Variants in GPC5 observed in about 807,000 individuals in gnomAD.
GPC5 encodes the protein glypican 5.
GPC5 carries 47 observed loss-of-function variants against 53.9 expected under a neutral mutation model. That is an observed-to-expected ratio of 0.87 (90% confidence interval 0.69 to 1.11). The LOEUF (loss-of-function observed/expected upper bound fraction) is 1.11. GPC5 is among the 50% of genes most tolerant of loss of function. GPC5 has a pLI of 0.00. For synonymous variants in GPC5, 286 were observed against 263.3 expected, an observed-to-expected ratio of 1.09 and a Z score of -0.84; for missense variants, 748 against 713.1, an observed-to-expected ratio of 1.05 and a Z score of -0.56.
intron 7 of GPC5, among the ~76,000 whole-genome samples, chr13:92,607,818 G>C (rs1289264737): frequency 6.6e-6 from 1 of 152,100 alleles, no homozygotes; most frequent in Non-Finnish European, 1.5e-5. Context: ...CAAGACTTCA[G>C]TTGACCCTTG....
At chr13:92,005,331 A>T (rs183085609) in intron 6 of GPC5, among the ~76,000 whole-genome samples, 6 of 152,234 alleles carry the variant, frequency 3.9e-5, no homozygotes, top group Non-Finnish European at 2.9e-5. Flanking sequence ...ATCTGTTGTG[A>T]CTAGAAGCTG....
In GPC5 at chr13:92,754,928, G is replaced by C. The variant is rs1874789672; in HGVS notation, c.1562-111354G>C. On this transcript the variant is annotated intron_variant, in intron 7 of 7. Transcript: ENST00000377067. ...CAACATTAGACAGATCAACGAGACAGAAAGTCAACAAGGATACCCAGGAAT... is the reference window on the plus strand; with the variant it reads ...CAACATTAGACAGATCAACGAGACACAAAGTCAACAAGGATACCCAGGAAT... Among the ~76,000 whole-genome samples, 9 of 150,800 alleles carry C rather than the reference G, an allele frequency of 6.0e-5. No homozygotes were observed. The South Asian group carries it at 1.9e-3, about 32-fold the overall frequency.
intron 7 of GPC5, among the ~76,000 whole-genome samples, chr13:92,428,180 G>A (rs919370889): frequency 7.9e-5 from 12 of 152,154 alleles, no homozygotes; most frequent in South Asian, 2.1e-4. Context: ...AACCTATGGC[G>A]GACACATGGT....
chr13:92,595,790 T>C (rs908081704), intron 7 of GPC5, among the ~76,000 whole-genome samples: 9 of 122,764 alleles, frequency 7.3e-5, no homozygotes, highest in Non-Finnish European at 1.3e-4. Context: ...AAAAAAAAGA[T>C]AGTATTTACT....
chr13:91,796,394 A>G (rs2038047863), intron 5 of GPC5, among the ~76,000 whole-genome samples: 1 of 152,208 alleles, frequency 6.6e-6, no homozygotes, highest in Non-Finnish European at 1.5e-5. Flanking sequence ...ACAGCGAGCC[A>G]AAGCTCAGCT....
intron 7 of GPC5, among the ~76,000 whole-genome samples, chr13:92,755,125 C>G (rs1437585679): frequency 3.4e-5 from 5 of 147,282 alleles, no homozygotes. Flanking sequence ...TTATAACAAA[C>G]TATCTCTCAG....
intron 7 of GPC5, among the ~76,000 whole-genome samples, chr13:92,516,671 A>G (rs1880796265): frequency 6.6e-6 from 1 of 152,182 alleles, no homozygotes; most frequent in Non-Finnish European, 1.5e-5. Context: ...TCATCTATAT[A>G]TTCATGATTC....
chr13:92,495,675 G>A (rs1016940166), intron 7 of GPC5, among the ~76,000 whole-genome samples: 1 of 148,244 alleles, frequency 6.7e-6, no homozygotes, highest in Admixed American at 6.7e-5. Flanking sequence ...TCTAGGAGAT[G>A]TCTTCATTGG....
At chr13:92,176,756 A>G (rs1188032699) in intron 7 of GPC5, among the ~76,000 whole-genome samples, 2 of 152,070 alleles carry the variant, frequency 1.3e-5, no homozygotes, top group Non-Finnish European at 2.9e-5. Flanking sequence ...GCCACATCCA[A>G]GCACTTCTCA....
intron 7 of GPC5, among the ~76,000 whole-genome samples, chr13:92,159,117 G>T: frequency 6.6e-6 from 1 of 152,110 alleles, no homozygotes; most frequent in East Asian, 1.9e-4. Context: ...TCTGTAAATT[G>T]TGCTTACGTA....
At chr13:91,903,218 C>T (rs2039517186) in intron 5 of GPC5, among the ~76,000 whole-genome samples, 1 of 151,924 alleles carries the variant, frequency 6.6e-6, no homozygotes, top group African/African-American at 2.4e-5. Flanking sequence ...TTCTTTCATT[C>T]AATATTTAGT....
At chr13:91,977,077 T>G (rs1275142426) in intron 6 of GPC5, among the ~76,000 whole-genome samples, 1 of 142,314 alleles carries the variant, frequency 7.0e-6, no homozygotes, top group Non-Finnish European at 1.5e-5. Context: ...AATAAATAAA[T>G]AAATAAAATA....
At chr13:91,633,041 A>T (rs1242166414) in intron 2 of GPC5, among the ~76,000 whole-genome samples, 1 of 152,204 alleles carries the variant, frequency 6.6e-6, no homozygotes, top group Non-Finnish European at 1.5e-5. Context: ...AGCATCAAGA[A>T]GTTTTGATTA....
intron 7 of GPC5, among the ~76,000 whole-genome samples, chr13:92,397,606 CCT>C (rs1234451327): frequency 6.6e-6 from 1 of 152,150 alleles, no homozygotes; most frequent in Admixed American, 6.5e-5. Context: ...CGTGAATCTG[CCT>C]CTCTGTCTAA....
intron 2 of GPC5, among the ~76,000 whole-genome samples, chr13:91,543,269 A>ACTGT (rs1187431437): frequency 1.3e-5 from 2 of 152,176 alleles, no homozygotes; most frequent in Admixed American, 6.5e-5. Flanking sequence ...CTGGGATTAC[A>ACTGT]GGTGTGAGCC....
chr13:91,443,530 A>C lies in GPC5; in HGVS notation c.164-5231A>C, dbSNP rs147431963. Among the ~76,000 whole-genome samples, 466 of 152,288 alleles carry C rather than the reference A, an allele frequency of 3.1e-3. 1 individual carries two copies. Among genetic ancestry groups the C allele is most frequent in the African/African-American group, 0.01 (435 of 41,578 alleles). ...CTAACACAGCTTCTGTGTTCTTTTG[A>C]TATGGCCTGGTAGTTATTTGATAGC... On this transcript the variant is annotated intron_variant, in intron 1 of 7. Transcript: ENST00000377067.
chr13:91,980,872 G>A (rs1347374152), intron 6 of GPC5, among the ~76,000 whole-genome samples: 3 of 152,164 alleles, frequency 2.0e-5, no homozygotes, highest in African/African-American at 4.8e-5. Flanking sequence ...TGTGTTTGAT[G>A]TCTTTCACCC....
chr13:91,840,397 T>A (rs2038771465), intron 5 of GPC5, among the ~76,000 whole-genome samples: 1 of 152,132 alleles, frequency 6.6e-6, no homozygotes, highest in African/African-American at 2.4e-5. Context: ...GCTAGCTAAA[T>A]CAGGTTAGGG....
At chr13:91,544,486 T>C (rs748418075) in intron 2 of GPC5, among the ~76,000 whole-genome samples, 1 of 152,184 alleles carries the variant, frequency 6.6e-6, no homozygotes, top group Non-Finnish European at 1.5e-5. Context: ...TTTATAAATG[T>C]TTCATGGACA....
Sources: allele counts gnomAD v4.1 joint callset (sites outside exome capture counted in the v4.1 genomes callset), GRCh38; gene constraint gnomAD v4.1.1; transcripts MANE v1.5; gene names NCBI Gene and HGNC (gene_info 2026-07-23, HGNC 2026-07-21).